The following ADSL variants were observed in gnomAD, a reference collection of about 807,000 sequenced individuals.
The protein encoded by ADSL is adenylosuccinase.
In ADSL, 44 loss-of-function variants were observed where a neutral mutation model predicts 62.1. The ratio of observed to expected loss-of-function variants is 0.71; its 90% CI spans 0.56 to 0.91. The LOEUF (loss-of-function observed/expected upper bound fraction) is 0.91. Among genes scored for constraint, ADSL ranks in the 40% least tolerant of loss-of-function variants. ADSL has a pLI of 0.00. For missense variants in ADSL, 531 were observed against 627.4 expected, an observed-to-expected ratio of 0.85 and a Z score of 1.64; for synonymous variants, 198 against 220.5, an observed-to-expected ratio of 0.90 and a Z score of 0.90.
intron 2 of ADSL, chr22:40,352,028 A>G (rs1318695350): frequency 6.6e-6 from 1 of 152,186 alleles, no homozygotes; most frequent in Non-Finnish European, 1.5e-5. Flanking sequence ...AGATAGTGGG[A>G]GAAGAACAGT....
intron 2 of ADSL, among the ~76,000 whole-genome samples, chr22:40,382,451 TC>T (rs2047722707): frequency 6.6e-6 from 1 of 152,000 alleles, no homozygotes; most frequent in African/African-American, 2.4e-5. Flanking sequence ...GTCAGCTGGG[TC>T]CCACCTGGGA....
Position 40,361,418 on chromosome 22 carries a change from C to T in ADSL, c.863-70C>T, listed in dbSNP as rs570659171. On this transcript the variant is annotated intron_variant, in intron 8 of 12. Transcript: ENST00000623063. ...GGATGGGGGCTGAGAGCTCATTCAG[C>T]ATGCTTGCCTACTCACTATCCTCTG... The T allele has an allele frequency of 1.9e-5, 31 of 1,612,538 alleles. No homozygotes were observed. The East Asian group carries it at 6.7e-4, about 35-fold the overall frequency.
At position 40,376,178 on chromosome 22, in the gene ADSL, C is replaced by CTTTTTTTTTT. The variant is rs10616868; in HGVS notation, c.89+9703_89+9712dup. 2.1e-4 allele frequency: 18 copies of CTTTTTTTTTT among 86,844 alleles called. 2 individuals are homozygous for CTTTTTTTTTT. Among genetic ancestry groups the CTTTTTTTTTT allele is most frequent in the Non-Finnish European group, 3.4e-4 (15 of 44,354 alleles). 5.4% of individuals were successfully genotyped at this position (86,844 alleles called of 1,614,324 possible). A position where few individuals can be genotyped will look rare whatever the true frequency, so the allele number is the denominator to read the frequency against. ...GGATAGGGTTAAAGTCAAATTACCA[C>CTTTTTTTTTT]TTTTTTTTTTTTTTTTTTTTTTTTT... On this transcript the variant is annotated intron_variant, in intron 2 of 2. Transcript: ENST00000498234.
At chr22:40,361,446 G>A (rs1460454565) in intron 8 of ADSL, 42 bp from the exon 9 acceptor site, 3 of 1,614,034 alleles carry the variant, frequency 1.9e-6, no homozygotes, top group Admixed American at 1.7e-5. Context: ...ATCCTCTGAA[G>A]TCTCTCTGCC....
At chr22:40,357,457 T>C (rs563249926) in intron 4 of ADSL, among the ~76,000 whole-genome samples, 2 of 152,030 alleles carry the variant, frequency 1.3e-5, no homozygotes, top group Non-Finnish European at 2.9e-5. Context: ...TTCTCTGTGT[T>C]GGTCAGGCTG....
At chr22:40,360,023 T>C (rs1255737632) in intron 6 of ADSL, among the ~76,000 whole-genome samples, 1 of 152,212 alleles carries the variant, frequency 6.6e-6, no homozygotes, top group Admixed American at 6.5e-5. Flanking sequence ...GCATTTCTAT[T>C]GGGCTGTGGC....
chr22:40,371,942 G>C (rs982682195), downstream of ADSL, among the ~76,000 whole-genome samples: 1 of 151,936 alleles, frequency 6.6e-6, no homozygotes, highest in African/African-American at 2.4e-5. Context: ...CAGGTGATCC[G>C]CCCGTCTCGG....
At chr22:40,370,580 TGCCACGCCCC>T (rs1301055559), downstream of ADSL, 1 of 152,396 alleles carries the variant, frequency 6.6e-6, no homozygotes, top group Admixed American at 6.5e-5. Flanking sequence ...CGGCCGCCCA[TGCCACGCCCC>T]GCCACGCGTG....
rs894393279 is a variant in ADSL at position 40,346,836 on chromosome 22, T to A, written c.153+125T>A. ...CGGCCCGGCTATTTTCAGCTGGGTG[T>A]TCCCTGTCCTGAGGAGCTGCGGCCC... On this transcript the variant is annotated intron_variant, in intron 1 of 12. Transcript: ENST00000623063. 6 of 1,032,314 alleles carry A rather than the reference T, an allele frequency of 5.8e-6. No individual in the cohort carries two copies. The African/African-American group carries it at 9.6e-5, about 17-fold the overall frequency. The allele number at this position is 1,032,314 out of a possible 1,614,324, so 63.9% of individuals were successfully genotyped here.
At chr22:40,348,579 CTG>C in intron 1 of ADSL, 1 of 398,594 alleles carries the variant, frequency 2.5e-6, no homozygotes, top group Non-Finnish European at 4.4e-6. Context: ...ATGGGTCTCA[CTG>C]TGTTTTCCAG....
intron 2 of ADSL, chr22:40,350,369 A>C (rs896293427): frequency 3.9e-6 from 1 of 258,024 alleles, no homozygotes; most frequent in Non-Finnish European, 7.6e-6. Flanking sequence ...CTCGTGATCC[A>C]CCCCCCTCAG....
chr22:40,373,478 C>A (rs1156742522), downstream of ADSL: 1 of 152,200 alleles, frequency 6.6e-6, no homozygotes, highest in Admixed American at 6.5e-5. Flanking sequence ...TGAATATCTA[C>A]TGTGTATATC....
At chr22:40,353,782 C>T (rs566452382) in intron 3 of ADSL, 162 of 268,762 alleles carry the variant, frequency 6.0e-4, no homozygotes, top group Non-Finnish European at 9.3e-4. Context: ...CCCGCCACTA[C>T]GCCCAGCTAT....
At chr22:40,385,164 C>T (rs532285783) in intron 2 of ADSL, among the ~76,000 whole-genome samples, 1 of 152,282 alleles carries the variant, frequency 6.6e-6, no homozygotes, top group Non-Finnish European at 1.5e-5. Flanking sequence ...GCCATAGGAA[C>T]TGGATTCCAA....
intron 2 of ADSL, among the ~76,000 whole-genome samples, chr22:40,386,015 C>A (rs541963982): frequency 6.7e-6 from 1 of 148,172 alleles, no homozygotes; most frequent in African/African-American, 2.5e-5. Context: ...CCATGCCCGG[C>A]TAATTTTTTG....
chr22:40,356,878 T>C (rs1189423339), intron 4 of ADSL, among the ~76,000 whole-genome samples: 1 of 152,054 alleles, frequency 6.6e-6, no homozygotes, highest in African/African-American at 2.4e-5. Context: ...GGGCAACTTA[T>C]TCATAATTAT....
At chr22:40,349,013 G>C (rs184321672) in intron 1 of ADSL, 1 of 157,526 alleles carries the variant, frequency 6.3e-6, no homozygotes, top group East Asian at 1.8e-4. Flanking sequence ...TAATTTCCTG[G>C]CAAAACTACT....
chr22:40,364,464 C>A, intron 11 of ADSL, 99 bp downstream of exon 11: 1 of 1,014,576 alleles, frequency 9.9e-7, no homozygotes, highest in Non-Finnish European at 1.5e-6. Flanking sequence ...TATGTCATTA[C>A]CTTCAGTCAC....
At chr22:40,358,421 A>T (rs1203854574) in intron 4 of ADSL, among the ~76,000 whole-genome samples, 2 of 152,058 alleles carry the variant, frequency 1.3e-5, no homozygotes, top group African/African-American at 4.8e-5. Flanking sequence ...CCGTCACTAC[A>T]AAAAATTTAA....
Sources: allele counts gnomAD v4.1 joint callset (sites outside exome capture counted in the v4.1 genomes callset), GRCh38; gene constraint gnomAD v4.1.1; transcripts MANE v1.5; gene names NCBI Gene and HGNC (gene_info 2026-07-23, HGNC 2026-07-21).